Variants in CCDC15 observed in about 807,000 individuals in gnomAD.
The protein encoded by CCDC15 is coiled-coil domain-containing protein 15.
A neutral mutation model predicts 114.5 loss-of-function variants in CCDC15; 105 were observed. That is an observed-to-expected ratio of 0.92 (90% CI 0.78 to 1.08). The LOEUF (loss-of-function observed/expected upper bound fraction) is 1.08, where lower values mean the gene tolerates loss of function less well. Among genes scored for constraint, CCDC15 ranks in the 50% least tolerant of loss-of-function variants. The probability of loss-of-function intolerance (pLI) is 0.00; values close to 1 mark genes in which losing one functional copy is unlikely to be tolerated. For synonymous variants in CCDC15, 334 were observed against 377.8 expected (o/e 0.88, Z 1.34); for missense variants, 1,105 against 1,093.6 (o/e 1.01, Z -0.15).
chr11:124,959,269 G>T lies in CCDC15; in HGVS notation c.327+5G>T. The T allele has an allele frequency of 6.4e-7, 1 of 1,564,428 alleles. No homozygotes were observed. Among genetic ancestry groups the T allele is most frequent in the Non-Finnish European group, 8.6e-7 (1 of 1,161,184 alleles). On this transcript the variant is annotated splice_donor_5th_base_variant and intron_variant, in intron 3 of 15. Transcript: ENST00000344762. ...CTTCAGAAGTCTTATGAAAGAGTAAGTTCAAAAGTGAGCCTGAGTAAAGAT... is the reference window on the plus strand; with the variant it reads ...CTTCAGAAGTCTTATGAAAGAGTAATTTCAAAAGTGAGCCTGAGTAAAGAT...
chr11:124,978,976 A>G (rs865933110), intron 6 of CCDC15, among the ~76,000 whole-genome samples: 2 of 152,120 alleles, frequency 1.3e-5, no homozygotes, highest in African/African-American at 2.4e-5. Flanking sequence ...ATTTTTATAT[A>G]TGGCATAAGG....
chr11:124,981,438 G>C (rs1948070833), intron 6 of CCDC15, among the ~76,000 whole-genome samples: 1 of 152,130 alleles, frequency 6.6e-6, no homozygotes, highest in Non-Finnish European at 1.5e-5. Flanking sequence ...TCTGCCTCCT[G>C]GGTTCAAGTG....
chr11:125,034,376 C>CTT (rs1948761460), intron 13 of CCDC15, among the ~76,000 whole-genome samples: 1 of 152,170 alleles, frequency 6.6e-6, no homozygotes, highest in Admixed American at 6.5e-5. Context: ...GTGCATGCAC[C>CTT]TTTCATTGCA....
intron 13 of CCDC15, 124 bp from the exon 14 acceptor site, chr11:125,038,307 G>T (rs1948789571): frequency 6.6e-6 from 4 of 603,432 alleles, no homozygotes; most frequent in Non-Finnish European, 1.1e-5. Flanking sequence ...GATATTCTTG[G>T]GATATTAAAC....
At chr11:125,008,863 A>C (rs1440406401) in intron 13 of CCDC15, among the ~76,000 whole-genome samples, 1 of 151,820 alleles carries the variant, frequency 6.6e-6, no homozygotes, top group African/African-American at 2.4e-5. Flanking sequence ...TGCCCCTTAG[A>C]GCTCAACCCC....
chr11:125,017,171 G>A (rs1948634221), intron 13 of CCDC15, among the ~76,000 whole-genome samples: 1 of 152,096 alleles, frequency 6.6e-6, no homozygotes, highest in Non-Finnish European at 1.5e-5. Context: ...TCACTCAGTT[G>A]TTATAAGAAT....
chr11:125,025,445 G>T (rs549106960), intron 13 of CCDC15, among the ~76,000 whole-genome samples: 1 of 151,900 alleles, frequency 6.6e-6, no homozygotes, highest in African/African-American at 2.4e-5. Context: ...GATGAGTTGG[G>T]ATGTGTTCTC....
chr11:125,027,891 C>T (rs1362110355), intron 13 of CCDC15, among the ~76,000 whole-genome samples: 1 of 151,914 alleles, frequency 6.6e-6, no homozygotes, highest in South Asian at 2.1e-4. Flanking sequence ...GTCTTTGATC[C>T]ATCTTGAGTT....
At chr11:125,036,796 A>T (rs1026479642) in intron 13 of CCDC15, among the ~76,000 whole-genome samples, 3 of 151,852 alleles carry the variant, frequency 2.0e-5, no homozygotes, top group African/African-American at 7.3e-5. Flanking sequence ...GCAGTTTTTA[A>T]CTCCAGAATT....
In CCDC15 at chr11:124,983,428, CT is replaced by C. The variant is rs1948105992; in HGVS notation, c.754-3311del. ...TTGTGGGCTGTGTTGTTCCTTCAGT[CT>C]TTGAAGTTGCTATCCTTTGGATTTT... On this transcript the variant is annotated intron_variant, in intron 6 of 15. Coordinates refer to ENST00000344762, the MANE Select transcript of CCDC15 (RefSeq NM_025004.3). Among the ~76,000 whole-genome samples, 5 of 151,656 alleles carry C rather than the reference CT, an allele frequency of 3.3e-5. No homozygotes were observed. The East Asian group carries it at 9.7e-4, about 29-fold the overall frequency.
At chr11:125,021,999 T>C (rs1948663393) in intron 13 of CCDC15, among the ~76,000 whole-genome samples, 1 of 151,962 alleles carries the variant, frequency 6.6e-6, no homozygotes, top group South Asian at 2.1e-4. Context: ...TATGAATGTC[T>C]TCAAGACACT....
At chr11:125,035,541 A>C (rs36028567) in intron 13 of CCDC15, among the ~76,000 whole-genome samples, 15,680 of 150,656 alleles carry the variant, frequency 0.1, 1,211 homozygotes, top group East Asian at 0.39. Context: ...GCCACTCAAC[A>C]TCTTTTGTTT....
At chr11:124,986,683 GTGTGTGTT>G (rs1364509990) in intron 6 of CCDC15, 51 bp from the exon 7 acceptor site, 257 of 1,394,572 alleles carry the variant, frequency 1.8e-4, no homozygotes, top group South Asian at 7.0e-4. Flanking sequence ...GTGTGTGTGT[GTGTGTGTT>G]TGTGTGTGTG....
Position 124,959,854 on chromosome 11 carries a change from A to G in CCDC15, c.367A>G (p.Thr123Ala). Residue 123 changes from threonine (T) to alanine (A), a missense_variant, in exon 4 of 16, where the codon ACA becomes GCA. Physicochemically the swap from Thr to Ala is moderately conservative, Grantham distance 58. Coordinates refer to ENST00000344762, the MANE Select transcript of CCDC15 (RefSeq NM_025004.3). ...CTCCATAGCCATGCAGTCTTCAGCA[A>G]CACACTTAACTTCCAAAAGGACAAG... is the stretch of plus-strand genomic sequence containing the variant. The part of the protein sequence containing the change: ...EGSIAMQSSA[T>A]HLTSKRTSVF... 1 of 1,602,508 alleles carries G rather than the reference A, an allele frequency of 6.2e-7. No homozygotes were observed. The highest frequency in any genetic ancestry group is 8.5e-7 in the Non-Finnish European group (1 of 1,173,728).
chr11:125,000,524 G>C (rs907959530), intron 11 of CCDC15, among the ~76,000 whole-genome samples: 10 of 152,166 alleles, frequency 6.6e-5, no homozygotes, highest in Non-Finnish European at 1.5e-4. Context: ...TACAATCAAT[G>C]AGAGCAAGAG....
rs1565366497 is a variant in CCDC15 at position 124,986,712 on chromosome 11, CGTGCGCGT to C, written c.754-29_754-22del. ...GTGTTTGTGTGTGTGCGCGCGCGCG[CGTGCGCGT>C]TTTCATTGTTTTTTTCTTTAGGAAC... On this transcript the variant is annotated intron_variant, in intron 6 of 15. Coordinates refer to ENST00000344762, the MANE Select transcript of CCDC15 (RefSeq NM_025004.3). The C allele has an allele frequency of 3.5e-6, 5 of 1,438,782 alleles. No homozygotes were observed. The African/African-American group carries it at 6.1e-5, about 18-fold the overall frequency. The allele number at this position is 1,438,782 out of a possible 1,614,324, so 89.1% of individuals were successfully genotyped here. A position where few individuals can be genotyped will look rare whatever the true frequency, so the allele number is the denominator to read the frequency against.
intron 13 of CCDC15, chr11:125,037,587 C>G (rs1292096460): frequency 6.6e-6 from 1 of 152,270 alleles, no homozygotes; most frequent in African/African-American, 2.4e-5. Context: ...ATTCTTAGAG[C>G]CCATCAGGCT....
chr11:125,008,110 T>C (rs986358719), intron 13 of CCDC15, among the ~76,000 whole-genome samples: 3 of 152,354 alleles, frequency 2.0e-5, no homozygotes, highest in Admixed American at 6.5e-5. Context: ...ATATATCAAG[T>C]TGGGGAGAAC....
At chr11:125,029,083 G>A (rs192843657) in intron 13 of CCDC15, among the ~76,000 whole-genome samples, 56 of 152,218 alleles carry the variant, frequency 3.7e-4, no homozygotes, top group Non-Finnish European at 5.1e-4. Context: ...AGGCTAGGCC[G>A]GTCTTTCTTT....
Sources: gnomAD v4.1 joint callset for allele counts (sites outside exome capture counted in the v4.1 genomes callset) on GRCh38, gnomAD v4.1.1 for gene constraint, MANE v1.5 for transcripts, NCBI Gene and HGNC (gene_info 2026-07-23, HGNC 2026-07-21) for gene names.